The following LANCL3 variants were observed in gnomAD, a reference collection of about 807,000 sequenced individuals.
The protein encoded by LANCL3 is lanC-like protein 3.
LANCL3 carries 19 observed loss-of-function variants against 26.5 expected under a neutral mutation model. The ratio of observed to expected loss-of-function variants is 0.72; its 90% CI spans 0.50 to 1.05. LANCL3 has a LOEUF of 1.05. Ranked by LOEUF, LANCL3 falls within the 50% of genes least tolerant of loss-of-function variation. LANCL3 has a pLI of 0.00. For synonymous variants in LANCL3, 160 were observed against 166.6 expected, an observed-to-expected ratio of 0.96 and a Z score of 0.30; for missense variants, 318 against 362.7, an observed-to-expected ratio of 0.88 and a Z score of 1.00.
At chrX:37,619,539 G>A (rs1221972461) in intron 1 of LANCL3, among the ~76,000 whole-genome samples, 6 of 104,854 alleles carry the variant, frequency 5.7e-5, no homozygotes, top group Non-Finnish European at 1.2e-4. Context: ...TAAATTTTAG[G>A]GGGGTAAGGG....
intron 1 of LANCL3, among the ~76,000 whole-genome samples, chrX:37,655,423 T>A (rs1926258119): frequency 8.9e-6 from 1 of 112,210 alleles, no homozygotes; most frequent in African/African-American, 3.2e-5. Flanking sequence ...CATAAGGTAG[T>A]CTTTGTATTT....
chrX:37,617,808 G>A (rs977778055), intron 1 of LANCL3, among the ~76,000 whole-genome samples: 2 of 111,766 alleles, frequency 1.8e-5, no homozygotes, highest in Admixed American at 9.5e-5. Context: ...CATGAATGAA[G>A]GCATGGAGGT....
chrX:37,645,909 T>C (rs1556426761), intron 1 of LANCL3, among the ~76,000 whole-genome samples: 1 of 111,366 alleles, frequency 9.0e-6, no homozygotes, highest in Non-Finnish European at 1.9e-5. Context: ...CACCTTGAGG[T>C]TTTTGAAGCA....
chrX:37,592,614 T>TA (rs1170518196), intron 1 of LANCL3, among the ~76,000 whole-genome samples: 2 of 110,093 alleles, frequency 1.8e-5, no homozygotes, highest in East Asian at 2.8e-4. Context: ...CTCTTAGAAA[T>TA]AAAAAAAAGA....
At chrX:37,592,468 G>A (rs1164416381) in intron 1 of LANCL3, among the ~76,000 whole-genome samples, 5 of 112,165 alleles carry the variant, frequency 4.5e-5, no homozygotes, top group Non-Finnish European at 9.4e-5. Flanking sequence ...AATCTTGGAG[G>A]AAACAGATAA....
chrX:37,579,374 C>T (rs1256089815), intron 1 of LANCL3, among the ~76,000 whole-genome samples: 1 of 111,327 alleles, frequency 9.0e-6, no homozygotes, highest in Non-Finnish European at 1.9e-5. Context: ...CCTGGAACCA[C>T]GGATAGTACT....
intron 1 of LANCL3, among the ~76,000 whole-genome samples, chrX:37,640,447 C>T (rs1360741440): frequency 1.8e-5 from 2 of 111,469 alleles, no homozygotes; most frequent in African/African-American, 3.3e-5. Flanking sequence ...GCCCTTCCCC[C>T]GACATGTGAG....
intron 1 of LANCL3, among the ~76,000 whole-genome samples, chrX:37,638,215 A>G (rs782402860): frequency 9.0e-6 from 1 of 111,291 alleles, no homozygotes; most frequent in East Asian, 2.9e-4. Flanking sequence ...GGGTCCAAGC[A>G]TTGGTTCCTT....
intron 1 of LANCL3, among the ~76,000 whole-genome samples, chrX:37,637,732 A>G (rs1296085533): frequency 8.9e-6 from 1 of 112,037 alleles, no homozygotes; most frequent in African/African-American, 3.2e-5. Context: ...GAGATTTTCT[A>G]TTCATTTAAG....
rs1926867576 is a variant in LANCL3 at position 37,678,607 on chromosome X, T to C, written c.*2794T>C. ...ATTTTGTTTCATTAATGTAATTACA[T>C]ACCATCTCTTCCACACACACCCCAG... On this transcript the variant is annotated 3_prime_UTR_variant, in exon 5 of 5. Transcript: ENST00000378619. 9.0e-6 allele frequency: 1 copy of C among 111,679 alleles called. No homozygotes were observed. Among genetic ancestry groups the C allele is most frequent in the African/African-American group, 3.3e-5 (1 of 30,721 alleles). 9.2% of individuals were successfully genotyped at this position (111,679 alleles called of 1,213,427 possible). A position where few individuals can be genotyped will look rare whatever the true frequency, so the allele number is the denominator to read the frequency against.
chrX:37,663,317 G>C, intron 3 of LANCL3, among the ~76,000 whole-genome samples: 1 of 111,900 alleles, frequency 8.9e-6, no homozygotes, highest in East Asian at 2.8e-4. Flanking sequence ...ATCTCAGAGG[G>C]GTTCCTCATG....
chrX:37,602,788 T>G (rs1238555242), intron 1 of LANCL3, among the ~76,000 whole-genome samples: 1 of 111,570 alleles, frequency 9.0e-6, no homozygotes, highest in Non-Finnish European at 1.9e-5. Context: ...GTGATTTTTT[T>G]TCTCTTAATT....
In LANCL3 at chrX:37,578,712, G is replaced by A. The variant is rs782220847; in HGVS notation, c.573+6269G>A. On this transcript the variant is annotated intron_variant, in intron 1 of 4. Coordinates refer to ENST00000378619, the MANE Select transcript of LANCL3 (RefSeq NM_001170331.2). ...AATTTGTTTTAGGCCAGGCACGGTGGCTCATGCCTGTAATCCCAGCACTTT... is the reference window on the plus strand; with the variant it reads ...AATTTGTTTTAGGCCAGGCACGGTGACTCATGCCTGTAATCCCAGCACTTT... Among the ~76,000 whole-genome samples, 129 of 111,206 alleles carry A rather than the reference G, an allele frequency of 1.2e-3. No individual in the cohort carries two copies. In the Middle Eastern group the frequency reaches 0.014, roughly 12 times the overall value.
chrX:37,618,487 A>G (rs1036479613), intron 1 of LANCL3, among the ~76,000 whole-genome samples: 8 of 112,010 alleles, frequency 7.1e-5, no homozygotes, highest in Admixed American at 4.7e-4. Context: ...GAAATGTATT[A>G]TCTCACAGTT....
intron 1 of LANCL3, among the ~76,000 whole-genome samples, chrX:37,628,695 G>A (rs111972517): frequency 0.012 from 1,181 of 102,075 alleles, 24 homozygotes; most frequent in African/African-American, 0.041. Flanking sequence ...AGAACATGTG[G>A]TGTTTGGTTT....
chrX:37,636,562 C>T (rs185228029), intron 1 of LANCL3, among the ~76,000 whole-genome samples: 15 of 112,531 alleles, frequency 1.3e-4, no homozygotes, highest in Admixed American at 8.5e-4. Flanking sequence ...TGAATTTCTT[C>T]GCTTATTATA....
intron 1 of LANCL3, among the ~76,000 whole-genome samples, chrX:37,591,767 T>C (rs1924288783): frequency 9.6e-6 from 1 of 103,682 alleles, no homozygotes; most frequent in African/African-American, 3.9e-5. Context: ...CTACAGACTC[T>C]CTTGGCATGC....
At chrX:37,611,590 G>A (rs1924871736) in intron 1 of LANCL3, among the ~76,000 whole-genome samples, 1 of 111,985 alleles carries the variant, frequency 8.9e-6, no homozygotes, top group Admixed American at 9.5e-5. Flanking sequence ...ATAAGGGAAA[G>A]GAAAGGACTG....
At chrX:37,672,953 G>A (rs782054852) in intron 4 of LANCL3, among the ~76,000 whole-genome samples, 27 of 112,082 alleles carry the variant, frequency 2.4e-4, no homozygotes, top group African/African-American at 8.4e-4. Flanking sequence ...TTACTTGGTT[G>A]TCACCTATTA....
Sources: allele counts gnomAD v4.1 joint callset (sites outside exome capture counted in the v4.1 genomes callset), GRCh38; gene constraint gnomAD v4.1.1; transcripts MANE v1.5; gene names NCBI Gene and HGNC (gene_info 2026-07-23, HGNC 2026-07-21).